INPP4B: variants seen among roughly 807,000 people sequenced by gnomAD.
INPP4B encodes the protein inositol polyphosphate-4-phosphatase type II B, also known as inositol polyphosphate 4-phosphatase type II.
In INPP4B, 55 loss-of-function variants were observed where a neutral mutation model predicts 122.5. That is an observed-to-expected ratio of 0.45 (90% confidence interval 0.36 to 0.56). The LOEUF (loss-of-function observed/expected upper bound fraction) is 0.56. INPP4B is among the 20% of genes least tolerant of loss of function. INPP4B has a pLI of 0.00. For synonymous variants in INPP4B, 403 were observed against 388.7 expected (o/e 1.04, Z -0.43); for missense variants, 1,000 against 1,097.7 (o/e 0.91, Z 1.26).
At chr4:142,759,825 T>TAAAAAAAAAAAAAAAAAAAAAAAAA (rs70949188) in intron 1 of INPP4B, among the ~76,000 whole-genome samples, 1 of 70,046 alleles carries the variant, frequency 1.4e-5, no homozygotes, top group African/African-American at 5.6e-5. Context: ...GAGCTTTTTC[T>TAAAAAAAAAAAAAAAAAAAAAAAAA]AAAAAAAAAA....
At chr4:142,042,516 G>GTGTGTGTGTGTGTGTA (rs1297140777) in intron 25 of INPP4B, among the ~76,000 whole-genome samples, 1 of 48,128 alleles carries the variant, frequency 2.1e-5, no homozygotes, top group African/African-American at 4.0e-5. Context: ...TTATGTGTGT[G>GTGTGTGTGTGTGTGTA]TGTATGTATG....
intron 1 of INPP4B, among the ~76,000 whole-genome samples, chr4:142,743,174 C>G (rs1768151503): frequency 6.6e-6 from 1 of 151,918 alleles, no homozygotes; most frequent in South Asian, 2.1e-4. Context: ...AAGCATTGCA[C>G]AACATGCAGC....
At chr4:142,557,074 A>G (rs573071828) in intron 2 of INPP4B, among the ~76,000 whole-genome samples, 1 of 152,182 alleles carries the variant, frequency 6.6e-6, no homozygotes, top group East Asian at 1.9e-4. Flanking sequence ...GCTGCACCTA[A>G]GAGATGCTTT....
intron 1 of INPP4B, among the ~76,000 whole-genome samples, chr4:142,842,775 T>C (rs561088866): frequency 7.6e-6 from 1 of 131,756 alleles, no homozygotes; most frequent in South Asian, 2.2e-4. Flanking sequence ...CCTAACATAA[T>C]ATACTGATAT....
Position 142,588,969 on chromosome 4 carries a change from A to T in INPP4B, c.-190-126243T>A, listed in dbSNP as rs1477717556. Among the ~76,000 whole-genome samples, 9 of 152,146 alleles carry T rather than the reference A, an allele frequency of 5.9e-5. No homozygotes were observed. The East Asian group carries it at 1.7e-3, about 29-fold the overall frequency. On this transcript the variant is annotated intron_variant, in intron 2 of 25. Transcript: ENST00000262992. The stretch of plus-strand genomic sequence containing the variant: ...TTATTACAAAACTACAGTTATCAAC[A>T]TTGTGTTGTAATGGCAAAAGAGTAG...
intron 15 of INPP4B, among the ~76,000 whole-genome samples, chr4:142,178,241 C>A (rs1829216607): frequency 6.6e-6 from 1 of 152,130 alleles, no homozygotes; most frequent in Non-Finnish European, 1.5e-5. Context: ...AAAGTCTTGC[C>A]TTTTCCTTCA....
At chr4:142,593,430 G>A (rs189078128) in intron 2 of INPP4B, among the ~76,000 whole-genome samples, 65 of 152,040 alleles carry the variant, frequency 4.3e-4, no homozygotes, top group African/African-American at 1.4e-3. Context: ...GCCCCCACTT[G>A]ACCTTTATTC....
intron 1 of INPP4B, among the ~76,000 whole-genome samples, chr4:142,771,711 G>A (rs1208452423): frequency 6.6e-6 from 1 of 152,042 alleles, no homozygotes; most frequent in Admixed American, 6.6e-5. Context: ...GGTCACAAGA[G>A]AAACTCTTGT....
intron 16 of INPP4B, among the ~76,000 whole-genome samples, chr4:142,169,202 CAATT>C (rs1229947182): frequency 6.6e-6 from 1 of 151,208 alleles, no homozygotes; most frequent in Non-Finnish European, 1.5e-5. Context: ...CTTATTTCAC[CAATT>C]AAATAATTAC....
intron 20 of INPP4B, 55 bp from the exon 21 acceptor site, chr4:142,122,300 T>C (rs893088056): frequency 2.4e-6 from 3 of 1,231,856 alleles, no homozygotes; most frequent in Non-Finnish European, 3.6e-6. Flanking sequence ...AAAATGTCAC[T>C]AGCTACTATG....
intron 3 of INPP4B, among the ~76,000 whole-genome samples, chr4:142,444,704 C>A (rs552701263): frequency 3.9e-5 from 6 of 152,164 alleles, no homozygotes; most frequent in African/African-American, 1.4e-4. Context: ...AAGACACATG[C>A]ACATGTATGT....
intron 14 of INPP4B, 109 bp downstream of exon 14, chr4:142,208,316 T>A (rs1205277117): frequency 1.2e-5 from 6 of 495,436 alleles, no homozygotes; most frequent in Non-Finnish European, 1.4e-5. Flanking sequence ...TGTTTCATTT[T>A]CAACTTTATA....
intron 14 of INPP4B, chr4:142,202,864 G>T: frequency 1.4e-6 from 1 of 698,360 alleles, no homozygotes; most frequent in Non-Finnish European, 1.8e-6. Context: ...TTCATTCCCT[G>T]TGGGCTCAAA....
intron 7 of INPP4B, among the ~76,000 whole-genome samples, chr4:142,345,246 T>C (rs992416654): frequency 2.6e-5 from 4 of 152,000 alleles, no homozygotes; most frequent in African/African-American, 9.7e-5. Flanking sequence ...TAGCAGCAGA[T>C]ACATTTATAA....
At position 142,082,164 on chromosome 4, in the gene INPP4B, T is replaced by C. The variant is rs767331068; in HGVS notation, c.2509A>G (p.Ile837Val). 58 of 1,522,728 alleles carry C rather than the reference T, an allele frequency of 3.8e-5. No individual in the cohort carries two copies. The highest frequency in any genetic ancestry group is 4.8e-5 in the Non-Finnish European group (54 of 1,115,094). The allele number at this position is 1,522,728 out of a possible 1,614,324, so 94.3% of individuals were successfully genotyped here. A position where few individuals can be genotyped will look rare whatever the true frequency, so the allele number is the denominator to read the frequency against. Residue 837 changes from isoleucine (I) to valine (V), a missense_variant, in exon 25 of 26, where the codon ATT (isoleucine) becomes GTT (valine). By Grantham distance (29) the Ile-to-Val change is conservative. Coordinates refer to ENST00000262992, the MANE Select transcript of INPP4B (RefSeq NM_001101669.3). The stretch of plus-strand genomic sequence containing the variant: ...GCACTTTTACAACAGGTGAAACGAA[T>C]ACCATTCAGTTTGCGGCAAATCTGT... Reference protein sequence around the residue: ...AATICRKLNGIRFTCCKSAKD... With the variant: ...AATICRKLNGVRFTCCKSAKD...
intron 12 of INPP4B, among the ~76,000 whole-genome samples, chr4:142,223,040 T>C (rs1850028978): frequency 6.6e-6 from 1 of 152,186 alleles, no homozygotes; most frequent in South Asian, 2.1e-4. Flanking sequence ...AACCTCACAA[T>C]AACCATGTGC....
rs1580005644 is a variant in INPP4B at position 142,419,874 on chromosome 4, C to T, written c.136+9299G>A. Among the ~76,000 whole-genome samples, 2 of 152,032 alleles carry T rather than the reference C, an allele frequency of 1.3e-5. 1 individual carries two copies. The highest frequency in any genetic ancestry group is 4.2e-4 in the South Asian group (2 of 4,816). ...TCAGGGGACCTCTCTCTCTCCCAACCCTGGTGGCTTTTGATTTTACAGAAA... is the reference window on the plus strand; with the variant it reads ...TCAGGGGACCTCTCTCTCTCCCAACTCTGGTGGCTTTTGATTTTACAGAAA... On this transcript the variant is annotated intron_variant, in intron 5 of 25. Transcript: ENST00000262992.
intron 2 of INPP4B, among the ~76,000 whole-genome samples, chr4:142,513,782 G>C (rs981534250): frequency 6.6e-6 from 1 of 152,088 alleles, no homozygotes; most frequent in Non-Finnish European, 1.5e-5. Context: ...ACCTTCCAAA[G>C]GCCCCCAACG....
intron 11 of INPP4B, among the ~76,000 whole-genome samples, chr4:142,250,325 A>G (rs1731331275): frequency 6.6e-6 from 1 of 152,198 alleles, no homozygotes; most frequent in African/African-American, 2.4e-5. Context: ...AAATCGCTAG[A>G]GATGTAAATA....
Sources: gnomAD v4.1 joint callset for allele counts (sites outside exome capture counted in the v4.1 genomes callset) on GRCh38, gnomAD v4.1.1 for gene constraint, MANE v1.5 for transcripts, NCBI Gene and HGNC (gene_info 2026-07-23, HGNC 2026-07-21) for gene names.